The following ANK2 variants were observed in gnomAD, a reference collection of about 807,000 sequenced individuals.
ANK2 encodes ankyrin-2.
In ANK2, 83 loss-of-function variants were observed where a neutral mutation model predicts 360.5. The ratio of observed to expected loss-of-function variants is 0.23; its 90% CI spans 0.19 to 0.28. The LOEUF is 0.28. Among genes scored for constraint, ANK2 ranks in the 10% least tolerant of loss-of-function variants. The probability of loss-of-function intolerance (pLI) is 1.00; values close to 1 mark genes in which losing one functional copy is unlikely to be tolerated. For synonymous variants in ANK2, 1,740 were observed against 1,759.5 expected (o/e 0.99, Z 0.28); for missense variants, 4,201 against 4,795.7 (o/e 0.88, Z 3.66).
At chr4:113,054,277 C>A (rs149086497) in intron 1 of ANK2, among the ~76,000 whole-genome samples, 2 of 152,152 alleles carry the variant, frequency 1.3e-5, no homozygotes, top group African/African-American at 4.8e-5. Context: ...ATGCTTTGAT[C>A]TGGATCACTA....
chr4:112,929,715 T>A (rs1056894944), intron 2 of ANK2, among the ~76,000 whole-genome samples: 1 of 152,180 alleles, frequency 6.6e-6, no homozygotes, highest in Non-Finnish European at 1.5e-5. Context: ...TGTTCTTGCA[T>A]CCAGAGTCAG....
At chr4:113,068,616 T>C (rs973125672) in intron 1 of ANK2, among the ~76,000 whole-genome samples, 3 of 152,184 alleles carry the variant, frequency 2.0e-5, no homozygotes, top group Non-Finnish European at 4.4e-5. Context: ...TGATTAGAAA[T>C]GACTCACATG....
intron 28 of ANK2, among the ~76,000 whole-genome samples, chr4:113,332,679 A>C (rs769871898): frequency 3.3e-5 from 5 of 152,236 alleles, no homozygotes; most frequent in Non-Finnish European, 2.9e-5. Flanking sequence ...TTTTCCTCTT[A>C]AACCATTTCG....
intron 1 of ANK2, among the ~76,000 whole-genome samples, chr4:112,837,999 T>A (rs543850364): frequency 6.6e-6 from 1 of 152,318 alleles, no homozygotes; most frequent in Admixed American, 6.5e-5. Context: ...GAAAATGACA[T>A]GAGATTTGGG....
chr4:112,791,682 G>C, the ANK2 span, among the ~76,000 whole-genome samples: 3 of 151,582 alleles, frequency 2.0e-5, no homozygotes, highest in Admixed American at 2.0e-4. Context: ...TAGTAGAGAC[G>C]GGGTTTCACC....
At chr4:112,938,212 CTA>C (rs1483763823) in intron 2 of ANK2, among the ~76,000 whole-genome samples, 1 of 152,098 alleles carries the variant, frequency 6.6e-6, no homozygotes, top group Non-Finnish European at 1.5e-5. Flanking sequence ...ATGTATTACT[CTA>C]TGTTTTTCTA....
At chr4:112,803,842 T>G in the ANK2 span, among the ~76,000 whole-genome samples, 1 of 152,182 alleles carries the variant, frequency 6.6e-6, no homozygotes, top group African/African-American at 2.4e-5. Flanking sequence ...ATGACAATTT[T>G]GCAAAGAGTT....
chr4:113,273,255 C>T (rs17629353), intron 14 of ANK2, among the ~76,000 whole-genome samples: 16,915 of 152,120 alleles, frequency 0.11, 1,603 homozygotes, highest in African/African-American at 0.25. Context: ...TAATATTGAC[C>T]TGGAAAATGG....
At position 113,340,392 on chromosome 4, in the gene ANK2, A is replaced by C. The variant is rs541913831; in HGVS notation, c.3893+1070A>C. On this transcript the variant is annotated intron_variant, in intron 32 of 45. Coordinates refer to ENST00000357077, the MANE Select transcript of ANK2 (RefSeq NM_001148.6). The stretch of plus-strand genomic sequence containing the variant: ...GCAACAATTATCCATGTAGTCTATA[A>C]TTCAAAAATAATACTTGAGGCTGGG... 9.2e-5 allele frequency among the ~76,000 whole-genome samples: 14 copies of C among 152,308 alleles called. No individual in the cohort carries two copies. In the South Asian group the frequency reaches 2.3e-3, roughly 25 times the overall value.
intron 2 of ANK2, among the ~76,000 whole-genome samples, chr4:112,958,261 G>A (rs1270241609): frequency 6.6e-6 from 1 of 152,240 alleles, no homozygotes; most frequent in Non-Finnish European, 1.5e-5. Context: ...GGTGGAGGTT[G>A]TAGCGAGCCG....
chr4:113,073,511 T>C lies in ANK2; in HGVS notation c.84+23699T>C, dbSNP rs528908165. ...GGAACTAGGATGCCAGCCTGAAGCG[T>C]AGAAAGAATTCCCAAGTATTCTACA... On this transcript the variant is annotated intron_variant, in intron 1 of 45. Coordinates refer to ENST00000357077, the MANE Select transcript of ANK2 (RefSeq NM_001148.6). Among the ~76,000 whole-genome samples, 23 of 152,188 alleles carry C rather than the reference T, an allele frequency of 1.5e-4. No homozygotes were observed. The South Asian group carries it at 4.6e-3, about 30-fold the overall frequency.
chr4:112,733,889 A>G, the ANK2 span, among the ~76,000 whole-genome samples: 1 of 152,096 alleles, frequency 6.6e-6, no homozygotes, highest in Non-Finnish European at 1.5e-5. Flanking sequence ...ATTCTCCTGC[A>G]TCAGCCTCCC....
intron 17 of ANK2, among the ~76,000 whole-genome samples, chr4:113,282,460 T>C (rs2062780513): frequency 6.6e-6 from 1 of 152,218 alleles, no homozygotes; most frequent in Admixed American, 6.5e-5. Context: ...TTGATGTCTA[T>C]ATCTGTCTTA....
intron 2 of ANK2, chr4:112,980,564 G>C (rs2042848601): frequency 6.6e-6 from 1 of 152,214 alleles, no homozygotes; most frequent in Non-Finnish European, 1.5e-5. Flanking sequence ...ATTTAGTTCT[G>C]CTTGTGAAAA....
chr4:112,717,696 A>T, the ANK2 span, among the ~76,000 whole-genome samples: 2 of 152,214 alleles, frequency 1.3e-5, no homozygotes, highest in Admixed American at 1.3e-4. Flanking sequence ...TAGTGCTATT[A>T]CCTATCCAAG....
chr4:113,242,166 A>C lies in ANK2; in HGVS notation c.848A>C (p.Lys283Thr). Residue 283 changes from lysine (K) to threonine (T), a missense_variant, in exon 9 of 46, where the codon AAG (lysine) becomes ACG (threonine). Physicochemically the swap from Lys to Thr is moderately conservative, Grantham distance 78. Transcript: ENST00000357077. ...ASKRGNTNMV[K>T]LLLDRGGQID... ...AAAAGAGGAAATACAAACATGGTGA[A>C]GCTCTTACTGGATCGAGGCGGTCAG... 5 of 1,614,046 alleles carry C rather than the reference A, an allele frequency of 3.1e-6. No homozygotes were observed. The highest frequency in any genetic ancestry group is 3.4e-6 in the Non-Finnish European group (4 of 1,179,950).
At chr4:113,282,633 A>G in intron 17 of ANK2, 42 bp from the exon 18 acceptor site, 1 of 1,493,202 alleles carries the variant, frequency 6.7e-7, no homozygotes, top group Non-Finnish European at 9.2e-7. Context: ...GCAATTGTTA[A>G]TCTTACTCTA....
Position 113,098,424 on chromosome 4 carries a change from ATG to A in ANK2, c.84+48613_84+48614del, listed in dbSNP as rs1562046535. On this transcript the variant is annotated intron_variant, in intron 1 of 45. Coordinates refer to ENST00000357077, the MANE Select transcript of ANK2 (RefSeq NM_001148.6). ...ATTAAAAGAGCAATAAATAAATATTATGCACAACAACTAAGATGAAGTGGACT... is the reference window on the plus strand; with the variant it reads ...ATTAAAAGAGCAATAAATAAATATTACACAACAACTAAGATGAAGTGGACT... Among the ~76,000 whole-genome samples, 7 of 152,124 alleles carry A rather than the reference ATG, an allele frequency of 4.6e-5. No individual in the cohort carries two copies. In the East Asian group the frequency reaches 7.7e-4, roughly 17 times the overall value.
Position 112,844,406 on chromosome 4 carries a change from G to A in ANK2, c.-40+26142G>A, listed in dbSNP as rs1002582333. 2.6e-5 allele frequency among the ~76,000 whole-genome samples: 4 copies of A among 152,150 alleles called. No homozygotes were observed. The South Asian group carries it at 8.3e-4, about 32-fold the overall frequency. The stretch of plus-strand genomic sequence containing the variant: ...ACATGTTATCGCTTATCTGCCCAAA[G>A]TAAAGCTCTTGAAGGCAAGGGCCAT... On this transcript the variant is annotated intron_variant, in intron 1 of 30. Coordinates refer to the ANK2 transcript ENST00000503271.
Sources: gnomAD v4.1 joint callset for allele counts (sites outside exome capture counted in the v4.1 genomes callset) on GRCh38, gnomAD v4.1.1 for gene constraint, MANE v1.5 for transcripts, NCBI Gene and HGNC (gene_info 2026-07-23, HGNC 2026-07-21) for gene names.